Variants in PPP1R3A observed in about 807,000 individuals in gnomAD.
The protein encoded by PPP1R3A is RG1.
PPP1R3A carries 29 observed loss-of-function variants against 41.7 expected under a neutral mutation model. That is an observed-to-expected ratio of 0.70 (90% confidence interval 0.52 to 0.95). The LOEUF (loss-of-function observed/expected upper bound fraction) is 0.95, where lower values mean the gene tolerates loss of function less well. Among genes scored for constraint, PPP1R3A ranks in the 40% least tolerant of loss-of-function variants. The pLI is 0.00. For synonymous variants in PPP1R3A, 485 were observed against 453.4 expected (o/e 1.07, Z -0.89); for missense variants, 1,352 against 1,292.4 (o/e 1.05, Z -0.71).
intron 1 of PPP1R3A, among the ~76,000 whole-genome samples, chr7:113,899,101 T>A (rs552818006): frequency 6.6e-6 from 1 of 151,860 alleles, no homozygotes; most frequent in Non-Finnish European, 1.5e-5. Flanking sequence ...GTTTCCTGAC[T>A]CTACTAAGAG....
Position 113,918,295 on chromosome 7 carries a change from T to C in PPP1R3A, c.702A>G (p.Lys234=), listed in dbSNP as rs750688206. The change falls in exon 1 of 4, where the codon AAA becomes AAG. Residue 234 remains lysine (K), a synonymous_variant. Coordinates refer to ENST00000284601, the MANE Select transcript of PPP1R3A (RefSeq NM_002711.4). ...GTNYTFICQK[K]EQEPEPVKPW... ...GTTTTACAGGCTCCGGCTCTTGTTC[T>C]TTCTTTTGACAAATGAATGTATAAT... 3.1e-6 allele frequency: 5 copies of C among 1,612,336 alleles called. No individual in the cohort carries two copies. In the Admixed American group the frequency reaches 8.4e-5, roughly 27 times the overall value.
Position 113,878,696 on chromosome 7 carries a change from T to C in PPP1R3A, c.2396A>G (p.Asn799Ser), listed in dbSNP as rs1420925233. Residue 799 changes from asparagine (N) to serine (S), a missense_variant, in exon 4 of 4, where the codon AAT (asparagine) becomes AGT (serine). Asn to Ser is a conservative substitution (Grantham distance 46). Transcript: ENST00000284601. The part of the protein sequence containing the change: ...QRDTVGVIYD[N>S]DFEKESRLGI... ...TAAACGTGATTCCTTTTCAAAATCA[T>C]TGTCATAGATTACACCTACTGTATC... is the stretch of plus-strand genomic sequence containing the variant. The C allele has an allele frequency of 5.6e-6, 9 of 1,613,432 alleles. No homozygotes were observed. Among genetic ancestry groups the C allele is most frequent in the Middle Eastern group, 1.7e-4 (1 of 6,054 alleles).
At chr7:113,886,123 G>A (rs1796781111) in intron 1 of PPP1R3A, among the ~76,000 whole-genome samples, 1 of 151,312 alleles carries the variant, frequency 6.6e-6, no homozygotes, top group East Asian at 2.0e-4. Context: ...ATATAGCAAG[G>A]GATAATTTAA....
chr7:113,883,446 T>A (rs1019310772), intron 1 of PPP1R3A, among the ~76,000 whole-genome samples: 1 of 152,030 alleles, frequency 6.6e-6, no homozygotes, highest in Non-Finnish European at 1.5e-5. Context: ...AAGAAGATAA[T>A]TCAGTTTTAT....
intron 1 of PPP1R3A, among the ~76,000 whole-genome samples, chr7:113,908,691 C>T (rs1484483507): frequency 6.6e-6 from 1 of 151,680 alleles, no homozygotes; most frequent in Non-Finnish European, 1.5e-5. Context: ...CAGACACACT[C>T]GTAGATGTTA....
At chr7:113,914,737 C>T (rs1212661719) in intron 1 of PPP1R3A, among the ~76,000 whole-genome samples, 1 of 152,078 alleles carries the variant, frequency 6.6e-6, no homozygotes, top group Non-Finnish European at 1.5e-5. Flanking sequence ...ATTACTTCAC[C>T]GAAATCTCAA....
chr7:113,910,201 G>A (rs1797221329), intron 1 of PPP1R3A, among the ~76,000 whole-genome samples: 1 of 151,852 alleles, frequency 6.6e-6, no homozygotes, highest in South Asian at 2.1e-4. Flanking sequence ...TAACACGTGG[G>A]GATTATTACA....
intron 1 of PPP1R3A, among the ~76,000 whole-genome samples, chr7:113,896,476 A>G (rs940583711): frequency 1.1e-4 from 17 of 151,870 alleles, no homozygotes; most frequent in Non-Finnish European, 2.5e-4. Context: ...TTCAGTACAA[A>G]ATCTGCTTTT....
intron 1 of PPP1R3A, among the ~76,000 whole-genome samples, chr7:113,901,587 T>C (rs995790941): frequency 3.3e-5 from 5 of 151,764 alleles, no homozygotes; most frequent in African/African-American, 9.7e-5. Context: ...AAATAAAGAA[T>C]GTGTTTTGCT....
At chr7:113,889,389 C>T (rs573977525) in intron 1 of PPP1R3A, among the ~76,000 whole-genome samples, 3 of 152,190 alleles carry the variant, frequency 2.0e-5, no homozygotes, top group Non-Finnish European at 4.4e-5. Flanking sequence ...ATGGAACCAC[C>T]ATTACTTGAC....
intron 1 of PPP1R3A, among the ~76,000 whole-genome samples, chr7:113,903,214 A>C (rs1797093773): frequency 1.3e-5 from 2 of 151,784 alleles, no homozygotes; most frequent in African/African-American, 4.8e-5. Flanking sequence ...GAAGGAATGA[A>C]TAATTTGGAT....
intron 1 of PPP1R3A, among the ~76,000 whole-genome samples, chr7:113,907,159 T>C (rs565558499): frequency 6.6e-6 from 1 of 151,916 alleles, no homozygotes; most frequent in East Asian, 1.9e-4. Context: ...GAATCTTTTA[T>C]TATTAATAGG....
In PPP1R3A at chr7:113,877,667, T is replaced by A. The variant is rs1217737083; in HGVS notation, c.*56A>T. ...AACAATGAATAGTCCCATTCACCAA[T>A]CCAAATGTTTGGGGTTAAATAGCTT... On this transcript the variant is annotated 3_prime_UTR_variant, in exon 4 of 4. Coordinates refer to ENST00000284601, the MANE Select transcript of PPP1R3A (RefSeq NM_002711.4). The A allele has an allele frequency of 6.7e-6, 10 of 1,492,824 alleles. No individual in the cohort carries two copies. Among genetic ancestry groups the A allele is most frequent in the Non-Finnish European group, 9.0e-6 (10 of 1,114,954 alleles). 92.5% of individuals were successfully genotyped at this position (1,492,824 alleles called of 1,614,324 possible).
chr7:113,880,126 C>A lies in PPP1R3A; in HGVS notation c.967-1G>T. ...TGGTTCTTATTAAGTGTTGATTTAT[C>A]TTATGGGATAAAAACAACAAAGAAA... is the stretch of plus-strand genomic sequence containing the variant. On this transcript the variant is annotated splice_acceptor_variant, in intron 3 of 3. Transcript: ENST00000284601. LOFTEE classifies it high-confidence loss of function. 6.3e-7 allele frequency: 1 copy of A among 1,585,064 alleles called. No individual in the cohort carries two copies. Among genetic ancestry groups the A allele is most frequent in the Non-Finnish European group, 8.7e-7 (1 of 1,154,774 alleles).
intron 1 of PPP1R3A, among the ~76,000 whole-genome samples, chr7:113,883,548 T>C (rs1445830233): frequency 6.6e-6 from 1 of 151,966 alleles, no homozygotes; most frequent in East Asian, 1.9e-4. Context: ...TATATAAATA[T>C]AATTTTATTA....
chr7:113,902,441 T>C (rs1032755297), intron 1 of PPP1R3A, among the ~76,000 whole-genome samples: 1 of 151,868 alleles, frequency 6.6e-6, no homozygotes, highest in African/African-American at 2.4e-5. Context: ...ACACTACATC[T>C]CCACTTGGAT....
chr7:113,908,474 G>C (rs1390414913), intron 1 of PPP1R3A, among the ~76,000 whole-genome samples: 2 of 151,732 alleles, frequency 1.3e-5, no homozygotes, highest in Admixed American at 6.6e-5. Flanking sequence ...CCAATATTCT[G>C]TATATATTCA....
chr7:113,890,498 C>G (rs1244622250), intron 1 of PPP1R3A, among the ~76,000 whole-genome samples: 1 of 152,154 alleles, frequency 6.6e-6, no homozygotes, highest in East Asian at 1.9e-4. Flanking sequence ...AAAAGAATAT[C>G]TGCAGACAGA....
chr7:113,904,407 G>A (rs180755808), intron 1 of PPP1R3A, among the ~76,000 whole-genome samples: 4 of 151,780 alleles, frequency 2.6e-5, no homozygotes, highest in African/African-American at 7.2e-5. Flanking sequence ...TACCACTTAA[G>A]AAGTCATAAT....
Sources: gnomAD v4.1 joint callset for allele counts (sites outside exome capture counted in the v4.1 genomes callset) on GRCh38, gnomAD v4.1.1 for gene constraint, MANE v1.5 for transcripts, NCBI Gene and HGNC (gene_info 2026-07-23, HGNC 2026-07-21) for gene names.